The following LRBA variants were observed in gnomAD, a reference collection of about 807,000 sequenced individuals.
The protein encoded by LRBA is LPS responsive beige-like anchor protein.
A neutral mutation model predicts 330.0 loss-of-function variants in LRBA; 176 were observed. The ratio of observed to expected loss-of-function variants is 0.53; its 90% confidence interval spans 0.47 to 0.60. The LOEUF is 0.60. LRBA is among the 20% of genes least tolerant of loss of function. The pLI, the probability that LRBA is intolerant of heterozygous loss-of-function variation, is 0.00. For missense variants in LRBA, 3,259 were observed against 3,444.8 expected, an observed-to-expected ratio of 0.95 and a Z score of 1.35; for synonymous variants, 1,230 against 1,193.0, an observed-to-expected ratio of 1.03 and a Z score of -0.64.
At chr4:150,416,517 T>A (rs1747776897) in intron 46 of LRBA, among the ~76,000 whole-genome samples, 1 of 152,168 alleles carries the variant, frequency 6.6e-6, no homozygotes, top group South Asian at 2.1e-4. Flanking sequence ...CTTTGAATTG[T>A]ACATCCTTTG....
At chr4:150,478,044 G>A (rs1231321919) in intron 42 of LRBA, among the ~76,000 whole-genome samples, 1 of 152,004 alleles carries the variant, frequency 6.6e-6, no homozygotes, top group Admixed American at 6.6e-5. Context: ...TTTTTGGGAG[G>A]GCAGGGATGT....
intron 38 of LRBA, chr4:150,597,000 A>G: frequency 1.5e-6 from 1 of 685,070 alleles, no homozygotes; most frequent in Non-Finnish European, 2.5e-6. Context: ...TTAAACATAT[A>G]TTTCAAACGC....
At chr4:150,614,437 C>A (rs1581818500) in intron 37 of LRBA, among the ~76,000 whole-genome samples, 1 of 152,066 alleles carries the variant, frequency 6.6e-6, no homozygotes, top group African/African-American at 2.4e-5. Flanking sequence ...GTAATGAGAG[C>A]CTTCAATACT....
At chr4:150,835,853 T>G (rs1418551077) in intron 28 of LRBA, among the ~76,000 whole-genome samples, 1 of 152,192 alleles carries the variant, frequency 6.6e-6, no homozygotes, top group Non-Finnish European at 1.5e-5. Context: ...ATAAGAGTGG[T>G]GAGAGAGGGC....
At chr4:150,656,624 T>C (rs1321546057) in intron 37 of LRBA, among the ~76,000 whole-genome samples, 2 of 152,204 alleles carry the variant, frequency 1.3e-5, no homozygotes, top group African/African-American at 4.8e-5. Flanking sequence ...CTAAGACATT[T>C]ACTATGATAA....
chr4:150,546,063 A>C (rs1255528901), intron 40 of LRBA, among the ~76,000 whole-genome samples: 1 of 152,206 alleles, frequency 6.6e-6, no homozygotes, highest in East Asian at 1.9e-4. Context: ...TGAACAAGCA[A>C]GTCTTTTTTA....
At chr4:150,699,090 G>A (rs1007640585) in intron 36 of LRBA, among the ~76,000 whole-genome samples, 1 of 152,154 alleles carries the variant, frequency 6.6e-6, no homozygotes, top group Non-Finnish European at 1.5e-5. Flanking sequence ...GGAAAAAAGG[G>A]TAACACTGGA....
intron 47 of LRBA, among the ~76,000 whole-genome samples, chr4:150,364,661 A>T (rs544290948): frequency 7.2e-5 from 11 of 152,300 alleles, no homozygotes; most frequent in Middle Eastern, 3.4e-3. Context: ...TGGAGGCTTT[A>T]TTTACAGGTT....
intron 48 of LRBA, among the ~76,000 whole-genome samples, chr4:150,343,130 T>C (rs575026257): frequency 9.2e-5 from 14 of 152,146 alleles, no homozygotes; most frequent in Non-Finnish European, 1.5e-4. Flanking sequence ...AAGACTTGAC[T>C]TGGAGGCTGT....
At chr4:150,712,756 C>G (rs1786350106) in intron 36 of LRBA, among the ~76,000 whole-genome samples, 1 of 152,102 alleles carries the variant, frequency 6.6e-6, no homozygotes, top group South Asian at 2.1e-4. Context: ...CCCTAAAAAG[C>G]CTTTATCAAA....
At chr4:150,268,594 C>T (rs1370656050) in intron 56 of LRBA, among the ~76,000 whole-genome samples, 4 of 152,150 alleles carry the variant, frequency 2.6e-5, no homozygotes, top group Non-Finnish European at 1.5e-5. Flanking sequence ...GGATGACTCA[C>T]CATGCAAAAG....
At chr4:150,370,681 A>G (rs1243540158) in intron 47 of LRBA, among the ~76,000 whole-genome samples, 5 of 152,226 alleles carry the variant, frequency 3.3e-5, no homozygotes, top group African/African-American at 9.6e-5. Flanking sequence ...ATAATAATGT[A>G]TTGATATTGG....
intron 40 of LRBA, among the ~76,000 whole-genome samples, chr4:150,570,290 C>A (rs1188471175): frequency 6.6e-6 from 1 of 151,998 alleles, no homozygotes; most frequent in African/African-American, 2.4e-5. Context: ...ACTATTTTTG[C>A]ATCTCACTAT....
In LRBA at chr4:150,894,676, A is replaced by C. The variant is rs138915483; in HGVS notation, c.2068-1527T>G. 2.0e-5 allele frequency among the ~76,000 whole-genome samples: 3 copies of C among 152,328 alleles called. No homozygotes were observed. In the East Asian group the frequency reaches 5.8e-4, roughly 29 times the overall value. ...ATACCGAATTTTCATTAAGTTAAAC[A>C]GATGATCTGGAGCTAGGACACTGAA... is the stretch of plus-strand genomic sequence containing the variant. On this transcript the variant is annotated intron_variant, in intron 16 of 56. Coordinates refer to ENST00000651943, the MANE Select transcript of LRBA (RefSeq NM_001364905.1).
chr4:150,809,293 C>T (rs971525223), intron 31 of LRBA, among the ~76,000 whole-genome samples: 8 of 152,204 alleles, frequency 5.3e-5, no homozygotes, highest in African/African-American at 1.7e-4. Context: ...GCAGCAGCAT[C>T]TTAACACTTG....
intron 36 of LRBA, among the ~76,000 whole-genome samples, chr4:150,703,067 G>A (rs780229643): frequency 6.6e-6 from 1 of 152,088 alleles, no homozygotes; most frequent in African/African-American, 2.4e-5. Flanking sequence ...AGGCTGAGGC[G>A]TAAGAATCGC....
intron 34 of LRBA, among the ~76,000 whole-genome samples, chr4:150,785,047 G>A (rs115484884): frequency 0.011 from 1,663 of 152,298 alleles, 8 homozygotes; most frequent in Non-Finnish European, 0.017. Context: ...AACCTGCTGT[G>A]CGTGAGATAA....
chr4:150,571,660 T>G (rs966801966), intron 40 of LRBA, among the ~76,000 whole-genome samples: 1 of 144,554 alleles, frequency 6.9e-6, no homozygotes, highest in South Asian at 2.2e-4. Flanking sequence ...TTTTTTTTTT[T>G]TTTTTTTTTT....
intron 46 of LRBA, chr4:150,423,722 G>C (rs1389494470): frequency 5.3e-6 from 1 of 188,624 alleles, no homozygotes; most frequent in Non-Finnish European, 1.1e-5. Context: ...ACCAGGCAGA[G>C]ATTTCTCAGC....
Sources: allele counts gnomAD v4.1 joint callset (sites outside exome capture counted in the v4.1 genomes callset), GRCh38; gene constraint gnomAD v4.1.1; transcripts MANE v1.5; gene names NCBI Gene and HGNC (gene_info 2026-07-23, HGNC 2026-07-21).